The following JARID2 variants were observed in gnomAD, a reference collection of about 807,000 sequenced individuals.
The protein encoded by JARID2 is jumonji and AT-rich interaction domain containing 2.
JARID2 carries 21 observed loss-of-function variants against 125.6 expected under a neutral mutation model. The ratio of observed to expected loss-of-function variants is 0.17; its 90% confidence interval spans 0.12 to 0.24. JARID2 has a LOEUF of 0.24. JARID2 is among the 10% of genes least tolerant of loss of function. The probability of loss-of-function intolerance (pLI) is 1.00; values close to 1 mark genes in which losing one functional copy is unlikely to be tolerated. For missense variants in JARID2, 1,303 were observed against 1,639.6 expected (o/e 0.79, Z 3.55); for synonymous variants, 736 against 661.6 (o/e 1.11, Z -1.73).
intron 6 of JARID2, among the ~76,000 whole-genome samples, chr6:15,492,376 G>A (rs549707916): frequency 6.6e-6 from 1 of 152,234 alleles, no homozygotes; most frequent in African/African-American, 2.4e-5. Context: ...CCCTCAGGAC[G>A]TGCAGCGGTG....
chr6:15,478,293 C>T (rs1769446725), intron 5 of JARID2, among the ~76,000 whole-genome samples: 2 of 152,114 alleles, frequency 1.3e-5, no homozygotes, highest in Middle Eastern at 3.2e-3. Flanking sequence ...TTTAGTTTTC[C>T]TCCTTTGTAA....
At chr6:15,265,636 A>T (rs1760055162) in intron 1 of JARID2, among the ~76,000 whole-genome samples, 4 of 152,154 alleles carry the variant, frequency 2.6e-5, no homozygotes. Flanking sequence ...GGAAAGCCCC[A>T]TTGGACAGGT....
chr6:15,489,482 T>C (rs1770044205), intron 6 of JARID2, among the ~76,000 whole-genome samples: 1 of 152,220 alleles, frequency 6.6e-6, no homozygotes, highest in Admixed American at 6.5e-5. Flanking sequence ...ACGCCTGTCA[T>C]CTCAGCTGGT....
intron 2 of JARID2, among the ~76,000 whole-genome samples, chr6:15,399,491 CTG>C (rs149254141): frequency 9.3e-5 from 14 of 150,684 alleles, no homozygotes; most frequent in South Asian, 2.1e-4. Flanking sequence ...TTCGTGATGT[CTG>C]TGTGTGTGTG....
At chr6:15,473,523 C>A (rs1235357643) in intron 5 of JARID2, among the ~76,000 whole-genome samples, 1 of 44,744 alleles carries the variant, frequency 2.2e-5, no homozygotes, top group Non-Finnish European at 7.8e-5. Flanking sequence ...TGCCCCCCCC[C>A]CCCCCCCGCT....
chr6:15,333,901 T>G (rs1762797614), intron 1 of JARID2, among the ~76,000 whole-genome samples: 3 of 152,144 alleles, frequency 2.0e-5, no homozygotes, highest in African/African-American at 7.2e-5. Flanking sequence ...GGTAATCTTT[T>G]CAAAGGAGCC....
At chr6:15,304,761 A>G (rs1761760867) in intron 1 of JARID2, among the ~76,000 whole-genome samples, 2 of 152,182 alleles carry the variant, frequency 1.3e-5, no homozygotes, top group Non-Finnish European at 2.9e-5. Context: ...TTTACTTAGT[A>G]TCTGCTTTCT....
rs1283195188 is a variant in JARID2 at position 15,468,716 on chromosome 6, A to G, written c.668A>G (p.His223Arg). The change falls in exon 5 of 18, where the codon CAT becomes CGT. Residue 223 changes from histidine (H) to arginine (R), a missense_variant and splice_region_variant. Around this residue, in one of 11 missense-constraint regions of JARID2, gnomAD observed 651 missense variants for 581.6 expected, o/e 1.12. Transcript: ENST00000341776. The part of the protein sequence containing the change: ...GKTHKHVHNG[H>R]VFNGSSRSTR... The stretch of plus-strand genomic sequence containing the variant: ...ACCCACAAACATGTTCACAACGGGC[A>G]TGGTAGGTCCACCGTTGAACTTGGA... 1 of 1,609,968 alleles carries G rather than the reference A, an allele frequency of 6.2e-7. No individual in the cohort carries two copies. The highest frequency in any genetic ancestry group is 8.5e-7 in the Non-Finnish European group (1 of 1,178,032).
intron 1 of JARID2, among the ~76,000 whole-genome samples, chr6:15,343,245 A>G (rs1363537816): frequency 2.6e-5 from 4 of 151,656 alleles, no homozygotes; most frequent in African/African-American, 9.7e-5. Flanking sequence ...AAAAAAAAAA[A>G]AAAAAGGGAA....
intron 1 of JARID2, among the ~76,000 whole-genome samples, chr6:15,344,499 T>C (rs1763182701): frequency 6.9e-6 from 1 of 144,022 alleles, no homozygotes; most frequent in African/African-American, 2.9e-5. Flanking sequence ...ATGTCTCACT[T>C]ACCATATACA....
intron 1 of JARID2, among the ~76,000 whole-genome samples, chr6:15,266,980 G>T (rs560091217): frequency 2.0e-5 from 3 of 152,338 alleles, no homozygotes; most frequent in South Asian, 4.1e-4. Context: ...CCTGAGTGGA[G>T]ATTAGGTGCT....
chr6:15,451,055 C>T (rs1476830825), intron 3 of JARID2, among the ~76,000 whole-genome samples: 1 of 152,164 alleles, frequency 6.6e-6, no homozygotes, highest in Non-Finnish European at 1.5e-5. Context: ...CCCAGCTACT[C>T]AGGAGGCTGA....
intron 1 of JARID2, among the ~76,000 whole-genome samples, chr6:15,313,685 A>G (rs931760175): frequency 4.6e-5 from 7 of 152,172 alleles, no homozygotes; most frequent in African/African-American, 1.4e-4. Flanking sequence ...AAATCTGGAA[A>G]AGAACAGGAA....
intron 1 of JARID2, among the ~76,000 whole-genome samples, chr6:15,323,706 G>T (rs192367489): frequency 6.6e-6 from 1 of 152,132 alleles, no homozygotes; most frequent in Non-Finnish European, 1.5e-5. Context: ...CAGGCAGATC[G>T]CAACATGGTG....
At chr6:15,430,923 G>C (rs910602160) in intron 3 of JARID2, among the ~76,000 whole-genome samples, 1 of 152,132 alleles carries the variant, frequency 6.6e-6, no homozygotes, top group African/African-American at 2.4e-5. Context: ...TCTTTTTCTG[G>C]AACATAGTTA....
chr6:15,470,034 G>T (rs1284862901), intron 5 of JARID2, among the ~76,000 whole-genome samples: 2 of 151,980 alleles, frequency 1.3e-5, no homozygotes, highest in African/African-American at 4.8e-5. Context: ...TAAATTAGCC[G>T]GGCATGGTGG....
chr6:15,364,156 G>A (rs1763893269), intron 1 of JARID2, among the ~76,000 whole-genome samples: 1 of 151,096 alleles, frequency 6.6e-6, no homozygotes, highest in Non-Finnish European at 1.5e-5. Context: ...CAGCGAGTCA[G>A]TCAGGCATTG....
Position 15,266,619 on chromosome 6 carries a change from A to G in JARID2, c.45+20035A>G, listed in dbSNP as rs1581344458. On this transcript the variant is annotated intron_variant, in intron 1 of 17. Transcript: ENST00000341776. ...TTTTGAGTTTTAGGAATCTTTCATC[A>G]AAGTTTCTTCTGCTTTTTTGTCATT... Among the ~76,000 whole-genome samples, 4 of 152,302 alleles carry G rather than the reference A, an allele frequency of 2.6e-5. 1 individual carries two copies. The highest frequency in any genetic ancestry group is 2.6e-4 in the Admixed American group (4 of 15,302).
intron 5 of JARID2, among the ~76,000 whole-genome samples, chr6:15,474,203 G>A (rs1304836981): frequency 6.6e-6 from 1 of 152,240 alleles, no homozygotes; most frequent in Non-Finnish European, 1.5e-5. Context: ...ATTTTCAACA[G>A]TAGAGAAGGA....
Sources: allele counts gnomAD v4.1 joint callset (sites outside exome capture counted in the v4.1 genomes callset), GRCh38; gene constraint gnomAD v4.1.1; regional missense constraint gnomAD v4.1.1; transcripts MANE v1.5; gene names NCBI Gene and HGNC (gene_info 2026-07-23, HGNC 2026-07-21).